RCL1: variants seen among roughly 807,000 people sequenced by gnomAD.
RCL1 encodes RNA 3'-terminal phosphate cyclase-like protein.
RCL1 carries 24 observed loss-of-function variants against 42.4 expected under a neutral mutation model. The observed-to-expected ratio is 0.57, with a 90% CI of 0.41 to 0.80. The LOEUF is 0.80. Ranked by LOEUF, RCL1 falls within the 30% of genes least tolerant of loss-of-function variation. RCL1 has a pLI of 0.00. For synonymous variants in RCL1, 228 were observed against 177.3 expected, an observed-to-expected ratio of 1.29 and a Z score of -2.27; for missense variants, 578 against 467.9, an observed-to-expected ratio of 1.24 and a Z score of -2.17.
intron 1 of RCL1, among the ~76,000 whole-genome samples, chr9:4,799,572 C>T (rs1253543720): frequency 1.3e-5 from 2 of 152,192 alleles, no homozygotes; most frequent in Non-Finnish European, 2.9e-5. Context: ...TCTTCCTTAA[C>T]CCTTGTCAGT....
chr9:4,846,432 C>G (rs994815021), intron 7 of RCL1, among the ~76,000 whole-genome samples: 2 of 152,156 alleles, frequency 1.3e-5, no homozygotes, highest in Admixed American at 6.5e-5. Context: ...TGTTTTGGTG[C>G]TAAATCAGTT....
At chr9:4,816,102 G>A (rs1374983862) in intron 1 of RCL1, among the ~76,000 whole-genome samples, 1 of 152,080 alleles carries the variant, frequency 6.6e-6, no homozygotes, top group East Asian at 1.9e-4. Context: ...TTTCTAGCTG[G>A]CCATCTTGAT....
Position 4,833,157 on chromosome 9 carries a change from G to C in RCL1, c.388G>C (p.Asp130His), listed in dbSNP as rs777811794. 2.5e-6 allele frequency: 4 copies of C among 1,607,032 alleles called. No individual in the cohort carries two copies. In the East Asian group the frequency reaches 8.9e-5, roughly 36 times the overall value. Residue 130 changes from aspartate (D) to histidine (H), a missense_variant, in exon 4 of 9, where the codon GAT becomes CAT. Asp to His is a moderately conservative substitution (Grantham distance 81). Transcript: ENST00000381750. ...CTTTTCTGAAATAATTTCATAGGTT[G>C]ATGTTCTTAAGGCAACAGCACTCCC... Reference protein sequence around the residue: ...VTNDQVDPSVDVLKATALPLL... With the variant: ...VTNDQVDPSVHVLKATALPLL...
In RCL1 at chr9:4,827,472, C is replaced by G. The variant is rs548174039; in HGVS notation, c.384+439C>G. The G allele has an allele frequency of 4.4e-4, 139 of 313,124 alleles. 1 individual carries two copies. The South Asian group carries it at 7.2e-3, about 16-fold the overall frequency. The allele number at this position is 313,124 out of a possible 1,614,324, so 19.4% of individuals were successfully genotyped here. A position where few individuals can be genotyped will look rare whatever the true frequency, so the allele number is the denominator to read the frequency against. ...GACTTACCCAGGCTTCAATCATAAA[C>G]TCAAGGGCTTTCTTCTTCTGAGAAG... On this transcript the variant is annotated intron_variant, in intron 3 of 8. Coordinates refer to ENST00000381750, the MANE Select transcript of RCL1 (RefSeq NM_005772.5).
At chr9:4,840,831 C>T (rs1397775211) in intron 5 of RCL1, among the ~76,000 whole-genome samples, 1 of 152,106 alleles carries the variant, frequency 6.6e-6, no homozygotes, top group Non-Finnish European at 1.5e-5. Context: ...TCATTGGCTA[C>T]AGCAGTGGGA....
intron 1 of RCL1, among the ~76,000 whole-genome samples, chr9:4,793,450 C>T (rs1018292803): frequency 1.3e-5 from 2 of 152,240 alleles, no homozygotes; most frequent in Non-Finnish European, 1.5e-5. Context: ...CGCTCGGCGT[C>T]TCCGGGGCGC....
intron 1 of RCL1, among the ~76,000 whole-genome samples, chr9:4,806,768 C>T (rs189600746): frequency 5.5e-4 from 83 of 151,690 alleles, no homozygotes; most frequent in African/African-American, 1.9e-3. Flanking sequence ...ATCAGGGTAG[C>T]GCTAGTTTAA....
intron 3 of RCL1, among the ~76,000 whole-genome samples, chr9:4,829,613 A>G (rs1397439818): frequency 1.3e-5 from 2 of 152,188 alleles, no homozygotes; most frequent in Non-Finnish European, 2.9e-5. Flanking sequence ...CTCTAGGAGT[A>G]TGAGATTGAT....
chr9:4,836,041 G>A (rs1322563863), intron 5 of RCL1, among the ~76,000 whole-genome samples: 1 of 152,160 alleles, frequency 6.6e-6, no homozygotes, highest in African/African-American at 2.4e-5. Context: ...TAAGGGGATG[G>A]GCGGGGTAGG....
At chr9:4,855,074 T>C (rs868224185) in intron 8 of RCL1, among the ~76,000 whole-genome samples, 3 of 111,138 alleles carry the variant, frequency 2.7e-5, no homozygotes, top group African/African-American at 1.1e-4. Context: ...AAAAAAAAAA[T>C]AGGAAAAGTT....
intron 8 of RCL1, among the ~76,000 whole-genome samples, chr9:4,851,200 T>G (rs1268940800): frequency 6.6e-6 from 1 of 152,150 alleles, no homozygotes; most frequent in Non-Finnish European, 1.5e-5. Context: ...CCAGAAAACT[T>G]GCATAAAATG....
At chr9:4,809,939 C>T (rs1236386507) in intron 1 of RCL1, among the ~76,000 whole-genome samples, 1 of 152,132 alleles carries the variant, frequency 6.6e-6, no homozygotes, top group East Asian at 1.9e-4. Context: ...GCCTCAGCCT[C>T]CCAAGTAGCT....
chr9:4,850,154 T>C (rs1203417188), intron 8 of RCL1: 2 of 378,746 alleles, frequency 5.3e-6, no homozygotes, highest in East Asian at 5.9e-5. Flanking sequence ...TGATAGTAAA[T>C]GAGGTTGCGG....
intron 2 of RCL1, among the ~76,000 whole-genome samples, chr9:4,824,632 C>G (rs1816700415): frequency 6.6e-6 from 1 of 152,202 alleles, no homozygotes; most frequent in South Asian, 2.1e-4. Flanking sequence ...TAACTCTCTA[C>G]CTTTCCGCAC....
Position 4,860,401 on chromosome 9 carries a change from A to G in RCL1, c.*126A>G. The G allele has an allele frequency of 4.0e-6, 4 of 987,894 alleles. No individual in the cohort carries two copies. 61.2% of individuals were successfully genotyped at this position (987,894 alleles called of 1,614,324 possible). ...GCCACTTGCTTAATTTTCTGTGAAGAAATATCAATATACAAATAAAAGACA... is the reference window on the plus strand; with the variant it reads ...GCCACTTGCTTAATTTTCTGTGAAGGAATATCAATATACAAATAAAAGACA... On this transcript the variant is annotated 3_prime_UTR_variant, in exon 9 of 9. Coordinates refer to ENST00000381750, the MANE Select transcript of RCL1 (RefSeq NM_005772.5).
rs151203232 is a variant in RCL1, at chr9:4,813,726, G to C, written c.137-9822G>C. 4.9e-3 allele frequency among the ~76,000 whole-genome samples: 743 copies of C among 152,308 alleles called. 4 individuals are homozygous for C. Among genetic ancestry groups the C allele is most frequent in the African/African-American group, 0.016 (681 of 41,558 alleles). ...GGATTATAAATCATGCTGCTACAAA[G>C]ACACACGCACACGTATGTTTATTGC... On this transcript the variant is annotated intron_variant, in intron 1 of 8. Coordinates refer to ENST00000381750, the MANE Select transcript of RCL1 (RefSeq NM_005772.5).
At chr9:4,843,856 A>G (rs1817416519) in intron 6 of RCL1, among the ~76,000 whole-genome samples, 1 of 152,162 alleles carries the variant, frequency 6.6e-6, no homozygotes, top group Non-Finnish European at 1.5e-5. Flanking sequence ...GGATTATGCT[A>G]AAATTCTCTA....
At position 4,800,750 on chromosome 9, in the gene RCL1, T is replaced by G. The variant is rs374204311; in HGVS notation, c.136+7523T>G. On this transcript the variant is annotated intron_variant, in intron 1 of 8. Coordinates refer to ENST00000381750, the MANE Select transcript of RCL1 (RefSeq NM_005772.5). ...TCACTGCAACCTCCGCCTCCCAGGT[T>G]CAAGTGATTCTCCTGCCTCAGCCTC... 2.0e-5 allele frequency among the ~76,000 whole-genome samples: 3 copies of G among 151,576 alleles called. No individual in the cohort carries two copies. The East Asian group carries it at 5.8e-4, about 29-fold the overall frequency.
intron 7 of RCL1, among the ~76,000 whole-genome samples, chr9:4,847,292 A>G (rs1003502087): frequency 5.3e-5 from 8 of 152,134 alleles, no homozygotes; most frequent in African/African-American, 1.9e-4. Context: ...ATGATCTTTA[A>G]TTATTAAAAG....
Sources: allele counts gnomAD v4.1 joint callset (sites outside exome capture counted in the v4.1 genomes callset), GRCh38; gene constraint gnomAD v4.1.1; transcripts MANE v1.5; gene names NCBI Gene and HGNC (gene_info 2026-07-23, HGNC 2026-07-21).